The following MSRA variants were observed in gnomAD, a reference collection of about 807,000 sequenced individuals.
MSRA encodes the protein mitochondrial peptide methionine sulfoxide reductase.
A neutral mutation model predicts 31.3 loss-of-function variants in MSRA; 54 were observed. That is an observed-to-expected ratio of 1.73 (90% CI 1.39 to 2.17). The LOEUF (loss-of-function observed/expected upper bound fraction) is 2.17, where lower values mean the gene tolerates loss of function less well. Ranked by LOEUF, MSRA falls within the 30% of genes most tolerant of loss-of-function variation. The probability of loss-of-function intolerance (pLI) is 0.00; values close to 1 mark genes in which losing one functional copy is unlikely to be tolerated. For synonymous variants in MSRA, 169 were observed against 116.5 expected, an observed-to-expected ratio of 1.45 and a Z score of -2.90; for missense variants, 507 against 300.9, an observed-to-expected ratio of 1.69 and a Z score of -5.07.
At chr8:10,355,612 T>C (rs1804462488) in intron 5 of MSRA, among the ~76,000 whole-genome samples, 1 of 152,180 alleles carries the variant, frequency 6.6e-6, no homozygotes, top group Non-Finnish European at 1.5e-5. Context: ...GGAAGGCCTG[T>C]CCCTCTGTGG....
At chr8:10,258,523 G>C (rs1366681228) in intron 3 of MSRA, among the ~76,000 whole-genome samples, 1 of 152,168 alleles carries the variant, frequency 6.6e-6, no homozygotes, top group Non-Finnish European at 1.5e-5. Flanking sequence ...TCAATGCCGA[G>C]TTGTCACATC....
chr8:10,326,959 T>C (rs1403898507), intron 5 of MSRA, among the ~76,000 whole-genome samples: 5 of 152,212 alleles, frequency 3.3e-5, no homozygotes, highest in African/African-American at 7.2e-5. Flanking sequence ...TGAGAAATTA[T>C]GTTTCTTGAA....
intron 1 of MSRA, among the ~76,000 whole-genome samples, chr8:10,109,923 T>G (rs1252397122): frequency 1.3e-5 from 2 of 152,216 alleles, no homozygotes; most frequent in Non-Finnish European, 2.9e-5. Context: ...CTGTGAAAGA[T>G]CAGTTGCCAC....
chr8:10,167,832 T>C (rs1303553583), intron 1 of MSRA, among the ~76,000 whole-genome samples: 1 of 152,094 alleles, frequency 6.6e-6, no homozygotes, highest in African/African-American at 2.4e-5. Context: ...TTAATAATTA[T>C]AGAAACCCAT....
chr8:10,274,539 C>T (rs1409708476), intron 3 of MSRA, among the ~76,000 whole-genome samples: 1 of 152,180 alleles, frequency 6.6e-6, no homozygotes, highest in Non-Finnish European at 1.5e-5. Context: ...AAGGTCCATT[C>T]CAATCTGGAG....
chr8:10,242,792 C>T (rs1027598124), intron 2 of MSRA, among the ~76,000 whole-genome samples: 33 of 152,094 alleles, frequency 2.2e-4, no homozygotes, highest in Admixed American at 2.0e-4. Flanking sequence ...AACCTGCAGC[C>T]GCTAGTTGAA....
intron 1 of MSRA, among the ~76,000 whole-genome samples, chr8:10,087,499 G>C (rs1247533054): frequency 1.3e-5 from 2 of 152,212 alleles, no homozygotes; most frequent in South Asian, 4.1e-4. Context: ...AGCAGGGAAA[G>C]GAGACCAGAT....
intron 1 of MSRA, among the ~76,000 whole-genome samples, chr8:10,143,671 C>A (rs1397937267): frequency 1.3e-5 from 2 of 152,142 alleles, no homozygotes; most frequent in African/African-American, 4.8e-5. Flanking sequence ...CTCCTTCTGG[C>A]TCCTCTGATA....
At chr8:10,398,964 G>A (rs895673439) in intron 5 of MSRA, among the ~76,000 whole-genome samples, 1 of 152,192 alleles carries the variant, frequency 6.6e-6, no homozygotes, top group Non-Finnish European at 1.5e-5. Context: ...TTCCACTTGA[G>A]TGGAGGGACG....
At chr8:10,185,514 G>C (rs1806962994) in intron 1 of MSRA, among the ~76,000 whole-genome samples, 1 of 142,600 alleles carries the variant, frequency 7.0e-6, no homozygotes. Context: ...TCTGGGCACA[G>C]CTTAATCCTT....
intron 5 of MSRA, among the ~76,000 whole-genome samples, chr8:10,368,520 G>A (rs968888274): frequency 2.6e-5 from 4 of 152,240 alleles, no homozygotes; most frequent in African/African-American, 9.6e-5. Flanking sequence ...GGGCCGGGAG[G>A]CGACTCATGG....
intron 1 of MSRA, among the ~76,000 whole-genome samples, chr8:10,154,604 C>G (rs747295587): frequency 3.6e-4 from 55 of 152,224 alleles, no homozygotes; most frequent in Non-Finnish European, 6.6e-4. Flanking sequence ...GTCTTGATCA[C>G]CTGACCTCGT....
At chr8:10,140,926 C>G (rs578075845) in intron 1 of MSRA, among the ~76,000 whole-genome samples, 12 of 152,160 alleles carry the variant, frequency 7.9e-5, no homozygotes, top group African/African-American at 2.9e-4. Flanking sequence ...ATCAAGGACT[C>G]AGAGTGAGAC....
intron 3 of MSRA, among the ~76,000 whole-genome samples, chr8:10,258,995 T>TTGGGGATTGAGGCAGGAGGCTC (rs1367685519): frequency 1.3e-5 from 2 of 151,702 alleles, no homozygotes; most frequent in African/African-American, 2.4e-5. Context: ...TAATCCCAGC[T>TTGGGGATTGAGGCAGGAGGCTC]ACTTGGGAGG....
intron 2 of MSRA, among the ~76,000 whole-genome samples, chr8:10,214,850 T>G (rs145135603): frequency 6.6e-6 from 1 of 152,336 alleles, no homozygotes; most frequent in East Asian, 1.9e-4. Flanking sequence ...ATCTTGTGCA[T>G]GATTTCAACT....
At chr8:10,143,392 T>C (rs75100103) in intron 1 of MSRA, among the ~76,000 whole-genome samples, 2,188 of 152,250 alleles carry the variant, frequency 0.014, 19 homozygotes, top group Non-Finnish European at 0.021. Flanking sequence ...ATTTGCCTGG[T>C]ATGGCATCCC....
chr8:10,198,620 A>T (rs1322122087), intron 1 of MSRA, among the ~76,000 whole-genome samples: 1 of 152,124 alleles, frequency 6.6e-6, no homozygotes, highest in African/African-American at 2.4e-5. Context: ...TGCTTTTGAC[A>T]TTCTTGGTTG....
chr8:10,257,217 A>G (rs1798230244), intron 3 of MSRA, among the ~76,000 whole-genome samples: 3 of 152,180 alleles, frequency 2.0e-5, no homozygotes, highest in Middle Eastern at 6.8e-3. Context: ...GTGACTTGAG[A>G]GGATCCTTAG....
chr8:10,242,480 T>G (rs1481617678), intron 2 of MSRA, among the ~76,000 whole-genome samples: 1 of 152,154 alleles, frequency 6.6e-6, no homozygotes, highest in East Asian at 1.9e-4. Context: ...GATGGCAAAC[T>G]TCTGATTCTT....
Sources: allele counts gnomAD v4.1 joint callset (sites outside exome capture counted in the v4.1 genomes callset), GRCh38; gene constraint gnomAD v4.1.1; transcripts MANE v1.5; gene names NCBI Gene and HGNC (gene_info 2026-07-23, HGNC 2026-07-21).